Variants in AKAP13 observed in about 807,000 individuals in gnomAD.
AKAP13 encodes the protein A-kinase anchoring protein 13, also known as A-kinase anchor protein 13.
AKAP13 carries 80 observed loss-of-function variants against 264.5 expected under a neutral mutation model. The observed-to-expected ratio is 0.30, with a 90% CI of 0.25 to 0.36. The LOEUF is 0.36. AKAP13 is among the 10% of genes least tolerant of loss of function. The probability of loss-of-function intolerance (pLI) is 1.00; values close to 1 mark genes in which losing one functional copy is unlikely to be tolerated. For missense variants in AKAP13, 3,712 were observed against 3,435.2 expected (o/e 1.08, Z -2.01); for synonymous variants, 1,380 against 1,250.2 (o/e 1.10, Z -2.19).
At chr15:85,539,140 T>C (rs1262087120) in intron 4 of AKAP13, among the ~76,000 whole-genome samples, 1 of 152,216 alleles carries the variant, frequency 6.6e-6, no homozygotes, top group Admixed American at 6.5e-5. Flanking sequence ...TGTGTTTGTG[T>C]ATTTTTTCAG....
At chr15:85,669,923 T>A in intron 14 of AKAP13, 93 bp downstream of exon 14, 1 of 850,374 alleles carries the variant, frequency 1.2e-6, no homozygotes, top group Non-Finnish European at 1.8e-6. Context: ...TAACATTACC[T>A]GCCAAAATTT....
chr15:85,447,137 C>T (rs879867305), intron 1 of AKAP13, among the ~76,000 whole-genome samples: 11 of 151,918 alleles, frequency 7.2e-5, no homozygotes, highest in Admixed American at 1.3e-4. Flanking sequence ...CGTGGTGGTG[C>T]GCACCTGTAA....
chr15:85,723,300 A>G lies in AKAP13; in HGVS notation c.6725A>G (p.Asn2242Ser), dbSNP rs757233117. 3 of 1,614,120 alleles carry G rather than the reference A, an allele frequency of 1.9e-6. No individual in the cohort carries two copies. The highest frequency in any genetic ancestry group is 3.3e-5 in the Admixed American group (2 of 60,024). Residue 2242 changes from asparagine to serine, a missense_variant, in exon 26 of 37, where the codon AAT becomes AGT. Asn to Ser is a conservative substitution (Grantham distance 46). Coordinates refer to ENST00000394518, the MANE Select transcript of AKAP13 (RefSeq NM_007200.5). ...LVRDGSVFLK[N>S]AAGRLKEVQA... ...CGTGATGGGAGTGTGTTTCTGAAGA[A>G]TGCAGCAGGAAGGTTGAAAGGTAAG...
intron 23 of AKAP13, among the ~76,000 whole-genome samples, chr15:85,720,785 A>C (rs1420800726): frequency 6.6e-6 from 1 of 152,208 alleles, no homozygotes; most frequent in Non-Finnish European, 1.5e-5. Flanking sequence ...ATTTATTAGC[A>C]CATTCACTCA....
At chr15:85,650,115 AC>A (rs765388028) in intron 10 of AKAP13, among the ~76,000 whole-genome samples, 53 of 152,326 alleles carry the variant, frequency 3.5e-4, no homozygotes, top group African/African-American at 1.1e-3. Context: ...TTAAAAAAAA[AC>A]AATAAACCTT....
intron 3 of AKAP13, 55 bp from the exon 4 acceptor site, chr15:85,533,529 C>T: frequency 6.7e-7 from 1 of 1,503,286 alleles, no homozygotes; most frequent in Admixed American, 2.2e-5. Context: ...CCACTAGCGT[C>T]CTTTCAGCAG....
At chr15:85,623,767 G>A (rs1160949317) in intron 8 of AKAP13, among the ~76,000 whole-genome samples, 4 of 152,166 alleles carry the variant, frequency 2.6e-5, no homozygotes, top group Non-Finnish European at 5.9e-5. Context: ...ACCCATTCCT[G>A]TTCCTCTGTA....
chr15:85,505,368 A>G (rs1462955265), intron 2 of AKAP13, among the ~76,000 whole-genome samples: 5 of 152,206 alleles, frequency 3.3e-5, no homozygotes, highest in Admixed American at 6.5e-5. Flanking sequence ...GGAAGACAGT[A>G]TGAATTTGGG....
intron 1 of AKAP13, among the ~76,000 whole-genome samples, chr15:85,381,295 G>T (rs1421276191): frequency 6.6e-6 from 1 of 151,936 alleles, no homozygotes; most frequent in Non-Finnish European, 1.5e-5. Context: ...CCCCGGGGTC[G>T]ACGCGGACGG....
chr15:85,726,872 A>G (rs1047335450), intron 27 of AKAP13, 194 bp from the exon 28 acceptor site: 2 of 631,434 alleles, frequency 3.2e-6, no homozygotes, highest in Admixed American at 3.0e-5. Context: ...ATAAATTACT[A>G]TTTCCCTTTT....
intron 5 of AKAP13, among the ~76,000 whole-genome samples, chr15:85,554,871 AT>A (rs1162944569): frequency 1.3e-5 from 2 of 152,222 alleles, no homozygotes; most frequent in Non-Finnish European, 1.5e-5. Context: ...TTTCCAGCTT[AT>A]GCTCTAACAA....
chr15:85,575,364 ATGTGTATGTG>A, intron 6 of AKAP13, 35 bp downstream of exon 6: 1 of 1,576,002 alleles, frequency 6.3e-7, no homozygotes, highest in African/African-American at 1.3e-5. Context: ...AAGTATATGC[ATGTGTATGTG>A]TGTGTTTTGT....
chr15:85,391,089 A>G (rs935935776), intron 1 of AKAP13, among the ~76,000 whole-genome samples: 1 of 152,224 alleles, frequency 6.6e-6, no homozygotes, highest in Admixed American at 6.5e-5. Context: ...CTCATGGCAT[A>G]GTAGTTAATA....
chr15:85,635,166 A>G (rs1452434772), intron 8 of AKAP13: 1 of 397,922 alleles, frequency 2.5e-6, no homozygotes, highest in Admixed American at 4.4e-5. Flanking sequence ...TGGCTGTACT[A>G]TTTTGCTTTC....
At chr15:85,680,181 T>TA (rs1179394470) in intron 14 of AKAP13, among the ~76,000 whole-genome samples, 29 of 152,332 alleles carry the variant, frequency 1.9e-4, no homozygotes, top group African/African-American at 7.0e-4. Context: ...GGTGGTAACT[T>TA]ACTAGGTAAT....
chr15:85,728,122 A>C (rs969651103), intron 29 of AKAP13, among the ~76,000 whole-genome samples: 6 of 152,148 alleles, frequency 3.9e-5, no homozygotes, highest in African/African-American at 1.2e-4. Context: ...TGTCTTAGCA[A>C]AGCCTGGTAC....
At chr15:85,559,795 C>T (rs914754788) in intron 5 of AKAP13, among the ~76,000 whole-genome samples, 16 of 129,694 alleles carry the variant, frequency 1.2e-4, no homozygotes, top group Non-Finnish European at 2.4e-4. Flanking sequence ...CCTGCACTTA[C>T]TTCCTACTGT....
Position 85,579,611 on chromosome 15 carries a change from A to G in AKAP13, c.1543A>G (p.Thr515Ala). Residue 515 changes from threonine (T) to alanine (A), a missense_variant, in exon 7 of 37, where the codon ACA (threonine) becomes GCA (alanine). By Grantham distance (58) the Thr-to-Ala change is moderately conservative. Coordinates refer to ENST00000394518, the MANE Select transcript of AKAP13 (RefSeq NM_007200.5). ...AAGATTTGAGAACTCTAATATTGGCACAGCTGGAGCCTCTGACGTGCACGT... is the reference window on the plus strand; with the variant it reads ...AAGATTTGAGAACTCTAATATTGGCGCAGCTGGAGCCTCTGACGTGCACGT... The part of the protein sequence containing the change: ...KERFENSNIG[T>A]AGASDVHVTS... The G allele has an allele frequency of 2.5e-6, 4 of 1,614,230 alleles. No homozygotes were observed. Among genetic ancestry groups the G allele is most frequent in the South Asian group, 1.1e-5 (1 of 91,088 alleles).
rs189770158 is a variant in AKAP13 at position 85,538,033 on chromosome 15, G to C, written c.478+4153G>C. ...GGATTCATCTGGGTGTGGCGTGAAT[G>C]GTGGGGTAAGGACATTTTTTTCTCT... is the stretch of plus-strand genomic sequence containing the variant. On this transcript the variant is annotated intron_variant, in intron 4 of 36. Coordinates refer to ENST00000394518, the MANE Select transcript of AKAP13 (RefSeq NM_007200.5). 2.0e-5 allele frequency among the ~76,000 whole-genome samples: 3 copies of C among 152,226 alleles called. No homozygotes were observed. In the East Asian group the frequency reaches 5.8e-4, roughly 29 times the overall value.
Sources: allele counts gnomAD v4.1 joint callset (sites outside exome capture counted in the v4.1 genomes callset), GRCh38; gene constraint gnomAD v4.1.1; transcripts MANE v1.5; gene names NCBI Gene and HGNC (gene_info 2026-07-23, HGNC 2026-07-21).